The following VWA3B variants were observed in gnomAD, a reference collection of about 807,000 sequenced individuals.
VWA3B encodes the protein von Willebrand factor A domain-containing protein 3B.
Under a neutral mutation model 158.3 loss-of-function variants are expected in VWA3B, and 138 were observed. The ratio of observed to expected loss-of-function variants is 0.87; its 90% CI spans 0.76 to 1.00. The LOEUF is 1.00. Ranked by LOEUF, VWA3B falls within the 50% of genes least tolerant of loss-of-function variation. The pLI is 0.00. For synonymous variants in VWA3B, 596 were observed against 587.3 expected (o/e 1.01, Z -0.21); for missense variants, 1,555 against 1,565.1 (o/e 0.99, Z 0.11).
intron 7 of VWA3B, among the ~76,000 whole-genome samples, chr2:98,160,475 C>T (rs993069656): frequency 5.3e-5 from 8 of 152,156 alleles, no homozygotes; most frequent in African/African-American, 1.4e-4. Flanking sequence ...ACAGGGAGCA[C>T]GTCCCGGTCA....
At chr2:98,135,207 T>A (rs1676166767) in intron 7 of VWA3B, among the ~76,000 whole-genome samples, 1 of 152,160 alleles carries the variant, frequency 6.6e-6, no homozygotes, top group Non-Finnish European at 1.5e-5. Flanking sequence ...AGTCTTGGTC[T>A]CTGGATTCCT....
chr2:98,178,952 C>T (rs536332247), intron 8 of VWA3B, among the ~76,000 whole-genome samples: 2 of 152,344 alleles, frequency 1.3e-5, no homozygotes, highest in East Asian at 1.9e-4. Context: ...GTAGGGCTCC[C>T]GTGGTCCCAG....
intron 9 of VWA3B, among the ~76,000 whole-genome samples, chr2:98,184,053 T>A (rs556070227): frequency 1.3e-5 from 2 of 152,344 alleles, no homozygotes; most frequent in South Asian, 2.1e-4. Flanking sequence ...TGTGAGAGGT[T>A]AGGTAACTCG....
intron 19 of VWA3B, chr2:98,242,246 T>G (rs1686119709): frequency 2.2e-6 from 1 of 456,130 alleles, no homozygotes; most frequent in Non-Finnish European, 4.4e-6. Context: ...CAATGCTGTT[T>G]TGGTTTTCAG....
intron 17 of VWA3B, among the ~76,000 whole-genome samples, chr2:98,235,056 A>G (rs762896135): frequency 1.3e-5 from 2 of 152,218 alleles, no homozygotes; most frequent in South Asian, 2.1e-4. Flanking sequence ...GTCATATTTC[A>G]TAGTTGATTT....
chr2:98,310,125 AC>A (rs910734380), intron 26 of VWA3B, among the ~76,000 whole-genome samples: 1 of 151,456 alleles, frequency 6.6e-6, no homozygotes, highest in Non-Finnish European at 1.5e-5. Context: ...AAAGTCTAAG[AC>A]CCCCCACCGG....
intron 23 of VWA3B, among the ~76,000 whole-genome samples, chr2:98,295,688 A>G (rs1689762036): frequency 6.6e-6 from 1 of 152,212 alleles, no homozygotes; most frequent in Non-Finnish European, 1.5e-5. Flanking sequence ...CGGGTCCCAG[A>G]GATTTCAGAG....
chr2:98,173,908 A>T (rs968924624), intron 8 of VWA3B, among the ~76,000 whole-genome samples: 19 of 151,978 alleles, frequency 1.3e-4, no homozygotes, highest in African/African-American at 3.4e-4. Flanking sequence ...CGGAGGCTGC[A>T]GTGAGCCCAG....
At position 98,132,898 on chromosome 2, in the gene VWA3B, G is replaced by A. The variant is rs12611580; in HGVS notation, c.873-926G>A. Among the ~76,000 whole-genome samples the A allele has an allele frequency of 1.1e-3, 163 of 152,300 alleles. 3 individuals are homozygous for A. In the East Asian group the frequency reaches 0.012, roughly 11 times the overall value. ...GAAGAGACTGAGGATTTCCATAGCC[G>A]CGGTGGGTTCCCTAGACTTCTCCCA... On this transcript the variant is annotated intron_variant, in intron 6 of 27. Coordinates refer to ENST00000477737, the MANE Select transcript of VWA3B (RefSeq NM_144992.5).
chr2:98,232,280 A>G (rs1224429866), intron 16 of VWA3B, among the ~76,000 whole-genome samples: 3 of 152,176 alleles, frequency 2.0e-5, no homozygotes, highest in Admixed American at 6.5e-5. Context: ...GTTGTTTATT[A>G]TATCCCTTTG....
intron 2 of VWA3B, among the ~76,000 whole-genome samples, chr2:98,109,792 CTTTT>C (rs35707535): frequency 2.3e-5 from 3 of 130,494 alleles, no homozygotes; most frequent in African/African-American, 2.8e-5. Flanking sequence ...GTTGATAGTT[CTTTT>C]TTTTTTTTTT....
At position 98,230,219 on chromosome 2, in the gene VWA3B, C is replaced by A; in HGVS notation, c.2308+12C>A. 6.5e-7 allele frequency: 1 copy of A among 1,533,892 alleles called. No individual in the cohort carries two copies. The highest frequency in any genetic ancestry group is 8.7e-7 in the Non-Finnish European group (1 of 1,146,012). On this transcript the variant is annotated intron_variant, in intron 16 of 27. Coordinates refer to ENST00000477737, the MANE Select transcript of VWA3B (RefSeq NM_144992.5). ...AGTCCTTCACGCAGGTATCAGTGAA[C>A]AAAATGGCTTGACTCTTTGCTGGTT...
At chr2:98,289,169 G>A (rs928684897) in intron 22 of VWA3B, among the ~76,000 whole-genome samples, 2 of 151,798 alleles carry the variant, frequency 1.3e-5, no homozygotes, top group South Asian at 2.1e-4. Flanking sequence ...GTAAAATTAC[G>A]TTACTTGTTT....
intron 14 of VWA3B, among the ~76,000 whole-genome samples, chr2:98,218,679 A>T (rs919545412): frequency 2.0e-5 from 3 of 152,232 alleles, no homozygotes; most frequent in Admixed American, 6.5e-5. Context: ...CATTTCAAGG[A>T]TGCCCTTCTA....
At chr2:98,143,752 C>CT (rs534351736) in intron 7 of VWA3B, among the ~76,000 whole-genome samples, 20,267 of 130,916 alleles carry the variant, frequency 0.15, 1,965 homozygotes, top group Non-Finnish European at 0.21. Flanking sequence ...CTTTTCTTTT[C>CT]TTTTTTTTTT....
In VWA3B at chr2:98,270,812, A is replaced by G; in HGVS notation, c.2974A>G (p.Met992Val). The G allele has an allele frequency of 6.2e-7, 1 of 1,614,132 alleles. No individual in the cohort carries two copies. The highest frequency in any genetic ancestry group is 8.5e-7 in the Non-Finnish European group (1 of 1,179,982). ...MLESEILAGK[M>V]YIQQAMELQE... ...GGAAAGTGAAATCCTAGCTGGGAAA[A>G]TGTACATCCAGCAGGCCATGGAACT... The change falls in exon 22 of 28, where the codon ATG (methionine) becomes GTG (valine). Residue 992 changes from methionine (M) to valine (V), a missense_variant. Met to Val is a conservative substitution (Grantham distance 21). Coordinates refer to ENST00000477737, the MANE Select transcript of VWA3B (RefSeq NM_144992.5).
the VWA3B span, among the ~76,000 whole-genome samples, chr2:98,329,737 G>A: frequency 1.3e-5 from 2 of 152,190 alleles, no homozygotes; most frequent in South Asian, 2.1e-4. Context: ...CGTTAAACAA[G>A]GGAAGCTATC....
the VWA3B span, among the ~76,000 whole-genome samples, chr2:98,323,759 T>A: frequency 6.6e-6 from 1 of 152,132 alleles, no homozygotes; most frequent in Non-Finnish European, 1.5e-5. Context: ...CTGGAGGATA[T>A]TGGAATGGCA....
In VWA3B at chr2:98,312,362, G is replaced by T; in HGVS notation, c.*13G>T. 6.2e-7 allele frequency: 1 copy of T among 1,600,402 alleles called. No individual in the cohort carries two copies. The highest frequency in any genetic ancestry group is 8.5e-7 in the Non-Finnish European group (1 of 1,171,038). The stretch of plus-strand genomic sequence containing the variant: ...TGAGACACTTTAAGGCCGTCTGGTG[G>T]CAGCTATGTTTAAGAGACCAGCGTC... On this transcript the variant is annotated 3_prime_UTR_variant, in exon 28 of 28. Transcript: ENST00000477737.
Sources: gnomAD v4.1 joint callset for allele counts (sites outside exome capture counted in the v4.1 genomes callset) on GRCh38, gnomAD v4.1.1 for gene constraint, MANE v1.5 for transcripts, NCBI Gene and HGNC (gene_info 2026-07-23, HGNC 2026-07-21) for gene names.